Variants in PCDHGA5 observed in about 807,000 individuals in gnomAD.
PCDHGA5 encodes the protein protocadherin gamma subfamily A, 5.
PCDHGA5 carries 36 observed loss-of-function variants against 56.7 expected under a neutral mutation model. The observed-to-expected ratio is 0.64, with a 90% CI of 0.49 to 0.84. PCDHGA5 has a LOEUF of 0.84. PCDHGA5 is among the 40% of genes least tolerant of loss of function. The pLI, the probability that PCDHGA5 is intolerant of heterozygous loss-of-function variation, is 0.00. For missense variants in PCDHGA5, 1,305 were observed against 1,201.5 expected (o/e 1.09, Z -1.27); for synonymous variants, 563 against 520.2 (o/e 1.08, Z -1.12).
In PCDHGA5 at chr5:141,490,499, A is replaced by G. The variant is rs1269710790; in HGVS notation, c.2422-4308A>G. On this transcript the variant is annotated intron_variant, in intron 1 of 3. Coordinates refer to ENST00000518069, the MANE Select transcript of PCDHGA5 (RefSeq NM_018918.3). The surrounding 1 kb of genome is among the most constrained non-coding windows in gnomAD (Gnocchi z 5.4). ...TTGGACCGGGAGGCCACATCCCACT[A>G]TATCATCGAGCTGCTGGCCAGCGAT... 1.2e-6 allele frequency: 2 copies of G among 1,614,148 alleles called. No homozygotes were observed. Among genetic ancestry groups the G allele is most frequent in the Non-Finnish European group, 8.5e-7 (1 of 1,180,020 alleles).
chr5:141,501,025 C>T (rs999221755), intron 2 of PCDHGA5, among the ~76,000 whole-genome samples: 94 of 152,100 alleles, frequency 6.2e-4, no homozygotes, highest in East Asian at 1.9e-3. Flanking sequence ...CGCGCCACCA[C>T]GCCCAGCTAA....
chr5:141,377,969 A>G (rs1165356824), intron 1 of PCDHGA5: 1 of 152,202 alleles, frequency 6.6e-6, no homozygotes, highest in African/African-American at 2.4e-5. Context: ...ACTTGAATCT[A>G]TGTTCCTGGG....
chr5:141,485,563 C>A lies in PCDHGA5; in HGVS notation c.2422-9244C>A. 2 of 1,612,904 alleles carry A rather than the reference C, an allele frequency of 1.2e-6. No individual in the cohort carries two copies. The highest frequency in any genetic ancestry group is 1.7e-6 in the Non-Finnish European group (2 of 1,179,034). ...AGATCGTAGATGTGAATGATCACGC[C>A]CCCCGTTTTCCGCGGCAGCAGCTGG... On this transcript the variant is annotated intron_variant, in intron 1 of 3. Coordinates refer to ENST00000518069, the MANE Select transcript of PCDHGA5 (RefSeq NM_018918.3). This position sits in a 1 kb window ranked among gnomAD's most constrained non-coding sequence, Gnocchi z 5.7.
intron 1 of PCDHGA5, among the ~76,000 whole-genome samples, chr5:141,472,497 G>A (rs1196427013): frequency 1.3e-5 from 2 of 151,958 alleles, no homozygotes; most frequent in Non-Finnish European, 2.9e-5. Context: ...ACGAGATCGT[G>A]CCACTGCACT....
intron 1 of PCDHGA5, among the ~76,000 whole-genome samples, chr5:141,400,831 C>CT (rs1457237248): frequency 1.3e-5 from 2 of 152,146 alleles, no homozygotes; most frequent in Admixed American, 6.5e-5. Flanking sequence ...TTGTCTCATT[C>CT]TTTAACATGT....
intron 1 of PCDHGA5, chr5:141,417,624 G>A (rs2096138947): frequency 1.5e-6 from 1 of 672,584 alleles, no homozygotes; most frequent in Non-Finnish European, 2.4e-6. Flanking sequence ...CAGAGCAAGC[G>A]CTGACGCCGG....
intron 1 of PCDHGA5, chr5:141,427,797 G>A (rs1194658203): frequency 6.0e-6 from 9 of 1,505,188 alleles, no homozygotes; most frequent in Admixed American, 3.4e-5. Context: ...CTACGTGTCC[G>A]TGAGCGCACA....
chr5:141,499,073 G>T (rs2099789305), intron 2 of PCDHGA5, among the ~76,000 whole-genome samples: 1 of 152,064 alleles, frequency 6.6e-6, no homozygotes, highest in Admixed American at 6.5e-5. Flanking sequence ...CTTACATTCT[G>T]AAGTTCCTGC....
intron 1 of PCDHGA5, chr5:141,413,618 A>C (rs1188549125): frequency 6.2e-7 from 1 of 1,613,916 alleles, no homozygotes; most frequent in Admixed American, 1.7e-5. Context: ...AAAATTAATG[A>C]AAATGTCGCT....
chr5:141,405,141 A>T (rs749502643), intron 1 of PCDHGA5: 4 of 1,613,862 alleles, frequency 2.5e-6, no homozygotes, highest in African/African-American at 1.3e-5. Flanking sequence ...GCTACCAGTG[A>T]TGGGTTGGCT....
intron 1 of PCDHGA5, among the ~76,000 whole-genome samples, chr5:141,434,831 A>T (rs1328843764): frequency 6.6e-6 from 1 of 151,904 alleles, no homozygotes; most frequent in East Asian, 1.9e-4. Flanking sequence ...TACACTTGGC[A>T]TTTATAAAGC....
chr5:141,423,332 C>G, intron 1 of PCDHGA5: 2 of 1,614,198 alleles, frequency 1.2e-6, no homozygotes, highest in Non-Finnish European at 1.7e-6. Flanking sequence ...GCCGCAGTCT[C>G]CTGCATCTTC....
chr5:141,395,788 C>A (rs1254748153), intron 1 of PCDHGA5: 2 of 152,198 alleles, frequency 1.3e-5, no homozygotes, highest in African/African-American at 4.8e-5. Context: ...AACTTTAATA[C>A]TTCTTACCAT....
At chr5:141,473,283 A>G (rs2099318531) in intron 1 of PCDHGA5, among the ~76,000 whole-genome samples, 1 of 152,324 alleles carries the variant, frequency 6.6e-6, no homozygotes, top group Non-Finnish European at 1.5e-5. Flanking sequence ...TTATTTTACT[A>G]TGTCAGTAGC....
At chr5:141,378,354 C>T (rs994186879) in intron 1 of PCDHGA5, 5 of 152,210 alleles carry the variant, frequency 3.3e-5, no homozygotes, top group African/African-American at 1.2e-4. Flanking sequence ...GAAACCCCGT[C>T]TCTACTAAAA....
At chr5:141,384,052 A>G in intron 1 of PCDHGA5, 1 of 1,611,012 alleles carries the variant, frequency 6.2e-7, no homozygotes, top group Non-Finnish European at 8.5e-7. Context: ...GGTGACCTGC[A>G]CCATTCCAGA....
Position 141,404,868 on chromosome 5 carries a change from A to G in PCDHGA5, c.2421+38117A>G, listed in dbSNP as rs375122600. On this transcript the variant is annotated intron_variant, in intron 1 of 3. Coordinates refer to ENST00000518069, the MANE Select transcript of PCDHGA5 (RefSeq NM_018918.3). Reference sequence around the variant, plus strand: ...GCCCTGCTAGATAGAGATGCGCTCAAACAGAGCCTTGTGGTGGCTGTACAG... The same window carrying G: ...GCCCTGCTAGATAGAGATGCGCTCAGACAGAGCCTTGTGGTGGCTGTACAG... 5.1e-5 allele frequency: 83 copies of G among 1,613,770 alleles called. 1 individual carries two copies. The highest frequency in any genetic ancestry group is 6.9e-5 in the Non-Finnish European group (81 of 1,179,896).
chr5:141,370,877 T>C (rs372858299), intron 1 of PCDHGA5: 41 of 1,614,038 alleles, frequency 2.5e-5, no homozygotes, highest in Middle Eastern at 1.6e-4. Flanking sequence ...AAGATCCTGA[T>C]GTAGGTGTCA....
At position 141,366,082 on chromosome 5, in the gene PCDHGA5, T is replaced by C. The variant is rs1228073481; in HGVS notation, c.1752T>C (p.Pro584=). Reference sequence around the variant, plus strand: ...AGCTGGCGCCTCGCTCCGCAGAACCTGGCTACCTGGTGACCAAGGTGGTAG... The same window carrying C: ...AGCTGGCGCCTCGCTCCGCAGAACCCGGCTACCTGGTGACCAAGGTGGTAG... ...GVELAPRSAE[P]GYLVTKVVAV... Residue 584 remains proline, a synonymous_variant, in exon 1 of 4, where the codon CCT becomes CCC. Transcript: ENST00000518069. 1.2e-6 allele frequency: 2 copies of C among 1,614,246 alleles called. No individual in the cohort carries two copies. Among genetic ancestry groups the C allele is most frequent in the East Asian group, 2.2e-5 (1 of 44,882 alleles).
Sources: allele counts gnomAD v4.1 joint callset (sites outside exome capture counted in the v4.1 genomes callset), GRCh38; gene constraint gnomAD v4.1.1; non-coding constraint Gnocchi (gnomAD v3.1); transcripts MANE v1.5; gene names NCBI Gene and HGNC (gene_info 2026-07-23, HGNC 2026-07-21).